USP40: variants seen among roughly 807,000 people sequenced by gnomAD.
USP40 encodes ubiquitin specific peptidase 40, also known as ubiquitin carboxyl-terminal hydrolase 40.
In USP40, 143 loss-of-function variants were observed where a neutral mutation model predicts 166.2. The ratio of observed to expected loss-of-function variants is 0.86; its 90% CI spans 0.75 to 0.99. The LOEUF is 0.99. Ranked by LOEUF, USP40 falls within the 50% of genes least tolerant of loss-of-function variation. The probability of loss-of-function intolerance (pLI) is 0.00; values close to 1 mark genes in which losing one functional copy is unlikely to be tolerated. For synonymous variants in USP40, 498 were observed against 524.0 expected (o/e 0.95, Z 0.68); for missense variants, 1,444 against 1,479.7 (o/e 0.98, Z 0.40).
chr2:233,510,996 C>T (rs2066794889), intron 20 of USP40, among the ~76,000 whole-genome samples: 1 of 152,074 alleles, frequency 6.6e-6, no homozygotes, highest in African/African-American at 2.4e-5. Flanking sequence ...TGCTACGGTT[C>T]AGGGGAAAGC....
intron 6 of USP40, among the ~76,000 whole-genome samples, chr2:233,551,832 G>A (rs1463195714): frequency 6.6e-6 from 1 of 152,018 alleles, no homozygotes; most frequent in Non-Finnish European, 1.5e-5. Context: ...CTTCATCCTT[G>A]GTGTCTCCAC....
intron 1 of USP40, among the ~76,000 whole-genome samples, chr2:233,566,192 T>C (rs945905007): frequency 7.2e-5 from 11 of 152,072 alleles, no homozygotes; most frequent in Admixed American, 1.3e-4. Flanking sequence ...CGGGGAAGAC[T>C]GCCACTAAAA....
intron 28 of USP40, chr2:233,488,019 G>A (rs2065059768): frequency 1.4e-6 from 1 of 694,604 alleles, no homozygotes; most frequent in Non-Finnish European, 2.7e-6. Flanking sequence ...GGTGATTACT[G>A]AAAAATTAAT....
At position 233,485,876 on chromosome 2, in the gene USP40, G is replaced by T; in HGVS notation, c.3299C>A (p.Ala1100Asp). ...LVWNAAQGGT[A>D]GSLRQRVADF... The stretch of plus-strand genomic sequence containing the variant: ...GGCAACTCTCTGCCTCAGGGAGCCG[G>T]CAGTCCCACCCTGGGCCGCGTTCCA... The change falls in exon 29 of 32, where the codon GCC (alanine) becomes GAC (aspartate). Residue 1100 changes from alanine (A) to aspartate (D), a missense_variant. Physicochemically the swap from Ala to Asp is moderately radical, Grantham distance 126. Transcript: ENST00000678225. 1 of 1,606,912 alleles carries T rather than the reference G, an allele frequency of 6.2e-7. No homozygotes were observed. The highest frequency in any genetic ancestry group is 8.5e-7 in the Non-Finnish European group (1 of 1,176,976).
chr2:233,554,747 A>C (rs919543389), intron 5 of USP40, among the ~76,000 whole-genome samples: 2 of 152,346 alleles, frequency 1.3e-5, no homozygotes, highest in Non-Finnish European at 2.9e-5. Context: ...GAAAAATATA[A>C]GAAAAGTTTA....
Position 233,477,416 on chromosome 2 carries a change from G to A in USP40, c.3687C>T (p.Ser1229=), listed in dbSNP as rs1187979006. Residue 1229 remains serine, a synonymous_variant, in exon 32 of 32, where the codon TCC becomes TCT. Coordinates refer to ENST00000678225, the MANE Select transcript of USP40 (RefSeq NM_001365479.2). ...GTTATCTGAAGCTCCCCACGTGGAT[G>A]GAGAGAGAAGTTTCCGGGGCTCGGG... ...ARPRAPETSL[S]IHVGSFR is the part of the protein sequence containing the mutation. The A allele has an allele frequency of 1.2e-6, 2 of 1,613,650 alleles. No individual in the cohort carries two copies. Among genetic ancestry groups the A allele is most frequent in the African/African-American group, 1.3e-5 (1 of 74,944 alleles).
chr2:233,565,550 A>C lies in USP40; in HGVS notation c.5T>G (p.Phe2Cys). 1 of 1,536,840 alleles carries C rather than the reference A, an allele frequency of 6.5e-7. No homozygotes were observed. M[F>C]GDLFEEEYST... ...ATACTCCTCTTCAAACAGGTCCCCAAACATTGTGAAACTAAATACTACCCT... is the reference window on the plus strand; with the variant it reads ...ATACTCCTCTTCAAACAGGTCCCCACACATTGTGAAACTAAATACTACCCT... Residue 2 changes from phenylalanine (F) to cysteine (C), a missense_variant, in exon 2 of 32, where the codon TTT becomes TGT. Transcript: ENST00000678225.
intron 29 of USP40, 57 bp from the exon 30 acceptor site, chr2:233,485,683 C>G (rs1470864): frequency 5.0e-6 from 8 of 1,600,932 alleles, no homozygotes; most frequent in Non-Finnish European, 6.0e-6. Flanking sequence ...TTCTCACTAA[C>G]TTCTCTATCA....
chr2:233,477,552 A>G (rs756607277), intron 31 of USP40, 49 bp from the exon 32 acceptor site: 3 of 1,532,506 alleles, frequency 2.0e-6, no homozygotes, highest in Non-Finnish European at 2.7e-6. Flanking sequence ...AGTGGGTGTC[A>G]GGGTGAGGGG....
In USP40 at chr2:233,527,585, A is replaced by G. The variant is rs2068128260; in HGVS notation, c.1554-7T>C. 14 of 1,594,526 alleles carry G rather than the reference A, an allele frequency of 8.8e-6. No homozygotes were observed. The highest frequency in any genetic ancestry group is 3.4e-5 in the South Asian group (3 of 87,524). On this transcript the variant is annotated splice_region_variant and splice_polypyrimidine_tract_variant and intron_variant, in intron 12 of 31. Coordinates refer to ENST00000678225, the MANE Select transcript of USP40 (RefSeq NM_001365479.2). ...TGCAGAATCACATTCTGCCCTTTAA[A>G]GAGGCACAAAAATACATAAATACTG...
At chr2:233,511,662 G>C (rs919593856) in intron 20 of USP40, 47 bp downstream of exon 20, 3 of 1,489,722 alleles carry the variant, frequency 2.0e-6, no homozygotes, top group African/African-American at 2.8e-5. Context: ...TATAATTCTG[G>C]TTATGGAAGG....
At chr2:233,555,939 C>G (rs1167197930) in intron 5 of USP40, among the ~76,000 whole-genome samples, 1 of 151,550 alleles carries the variant, frequency 6.6e-6, no homozygotes, top group Non-Finnish European at 1.5e-5. Context: ...ATGGTGAAAC[C>G]CCGTCTCTAC....
intron 21 of USP40, among the ~76,000 whole-genome samples, chr2:233,504,514 CTT>C (rs1248791894): frequency 1.3e-5 from 2 of 151,850 alleles, no homozygotes; most frequent in African/African-American, 2.4e-5. Context: ...GTAAAATAGA[CTT>C]TAACTCAAAA....
At chr2:233,533,393 T>A (rs1249051420) in intron 11 of USP40, 86 bp downstream of exon 11, 1 of 1,391,764 alleles carries the variant, frequency 7.2e-7, no homozygotes, top group Admixed American at 2.3e-5. Flanking sequence ...AACCTTTTTT[T>A]AAAAGAATAA....
In USP40 at chr2:233,527,429, T is replaced by G. The variant is rs1559255849; in HGVS notation, c.1703A>C (p.Asp568Ala). Residue 568 changes from aspartate (D) to alanine (A), a missense_variant, in exon 13 of 32, where the codon GAT (aspartate) becomes GCT (alanine). Coordinates refer to ENST00000678225, the MANE Select transcript of USP40 (RefSeq NM_001365479.2). Reference protein sequence around the residue: ...LTFDKRKTLGDLRQSIFQLLE... With the variant: ...LTFDKRKTLGALRQSIFQLLE... ...TACCTGAAATATTGACTGCCGGAGA[T>G]CTCCTAAAGTTTTTCTTTTATCAAA... 6.2e-7 allele frequency: 1 copy of G among 1,613,146 alleles called. No individual in the cohort carries two copies.
At chr2:233,565,672 A>T in intron 1 of USP40, 99 bp from the exon 2 acceptor site, 1 of 1,017,008 alleles carries the variant, frequency 9.8e-7, no homozygotes, top group Non-Finnish European at 1.4e-6. Context: ...GTTTCTTAGA[A>T]CACAGGACTA....
chr2:233,523,299 T>C lies in USP40; in HGVS notation c.2072A>G (p.Asn691Ser), dbSNP rs772253493. Reference protein sequence around the residue: ...LAIPAGVIFINSAGCPGGEGW... With the variant: ...LAIPAGVIFISSAGCPGGEGW... ...CTCCCCACCTGGACATCCAGCACTGTTGATGAAGATGACACCTGCTGGGAT... is the reference window on the plus strand; with the variant it reads ...CTCCCCACCTGGACATCCAGCACTGCTGATGAAGATGACACCTGCTGGGAT... Residue 691 changes from asparagine to serine, a missense_variant, in exon 16 of 32, where the codon AAC (asparagine) becomes AGC (serine). By Grantham distance (46) the Asn-to-Ser change is conservative (BLOSUM62 1). Coordinates refer to ENST00000678225, the MANE Select transcript of USP40 (RefSeq NM_001365479.2). The C allele has an allele frequency of 1.9e-6, 3 of 1,614,030 alleles. No homozygotes were observed. The highest frequency in any genetic ancestry group is 2.5e-6 in the Non-Finnish European group (3 of 1,179,882).
chr2:233,488,368 T>C (rs866787216), intron 27 of USP40, 64 bp from the exon 28 acceptor site: 83 of 1,288,560 alleles, frequency 6.4e-5, no homozygotes, highest in African/African-American at 3.4e-4. Context: ...GAATTTTTTT[T>C]CCCCCAATTT....
Position 233,476,972 on chromosome 2 carries a change from G to GCTGA in USP40, c.*419_*420insTCAG, listed in dbSNP as rs2064209918. ...CTGAGACACTGTGAGAAGCCGGTCA[G>GCTGA]GGCGAACGAGAGTCATCTGAACACG... On this transcript the variant is annotated 3_prime_UTR_variant, in exon 32 of 32. Coordinates refer to ENST00000678225, the MANE Select transcript of USP40 (RefSeq NM_001365479.2). The GCTGA allele has an allele frequency of 3.1e-6, 1 of 317,758 alleles. No homozygotes were observed. Among genetic ancestry groups the GCTGA allele is most frequent in the South Asian group, 2.7e-5 (1 of 36,992 alleles). 19.7% of individuals were successfully genotyped at this position (317,758 alleles called of 1,614,324 possible). A position where few individuals can be genotyped will look rare whatever the true frequency, so the allele number is the denominator to read the frequency against.
Sources: allele counts gnomAD v4.1 joint callset (sites outside exome capture counted in the v4.1 genomes callset), GRCh38; gene constraint gnomAD v4.1.1; transcripts MANE v1.5; gene names NCBI Gene and HGNC (gene_info 2026-07-23, HGNC 2026-07-21).